Variants in PHACTR2 observed in about 807,000 individuals in gnomAD.
The protein encoded by PHACTR2 is chromosome 6 open reading frame 56.
In PHACTR2, 30 loss-of-function variants were observed where a neutral mutation model predicts 76.0. The observed-to-expected ratio is 0.39, with a 90% confidence interval of 0.30 to 0.54. The LOEUF is 0.54. PHACTR2 is among the 20% of genes least tolerant of loss of function. The probability of loss-of-function intolerance (pLI) is 0.61; values close to 1 mark genes in which losing one functional copy is unlikely to be tolerated. For missense variants in PHACTR2, 696 were observed against 781.1 expected (o/e 0.89, Z 1.30); for synonymous variants, 292 against 292.5 (o/e 1.00, Z 0.02).
At chr6:143,720,353 C>A (rs546409005) in intron 2 of PHACTR2, among the ~76,000 whole-genome samples, 1 of 151,930 alleles carries the variant, frequency 6.6e-6, no homozygotes, top group African/African-American at 2.4e-5. Flanking sequence ...AAAATTAAAG[C>A]AAGGAATTGG....
In PHACTR2 at chr6:143,784,308, A is replaced by G. The variant is rs1775501618; in HGVS notation, c.1707+1028A>G. 6.6e-6 allele frequency among the ~76,000 whole-genome samples: 1 copy of G among 152,238 alleles called. No individual in the cohort carries two copies. Among genetic ancestry groups the G allele is most frequent in the Admixed American group, 6.5e-5 (1 of 15,282 alleles). ...ATTGTTGCCACTTATTTATGAATAT[A>G]TAAATCTGATGTTAGGGCCATCACT... On this transcript the variant is annotated intron_variant, in intron 10 of 12. Transcript: ENST00000440869. The surrounding 1 kb of genome is among the most constrained non-coding windows in gnomAD (Gnocchi z 4.5).
At chr6:143,590,508 T>C (rs1263979110) in intron 1 of PHACTR2, among the ~76,000 whole-genome samples, 1 of 151,750 alleles carries the variant, frequency 6.6e-6, no homozygotes, top group African/African-American at 2.4e-5. Context: ...CATGACTTAA[T>C]GTAAGATCAG....
chr6:143,746,965 G>A (rs1779081425), intron 2 of PHACTR2, among the ~76,000 whole-genome samples: 1 of 152,192 alleles, frequency 6.6e-6, no homozygotes, highest in South Asian at 2.1e-4. Context: ...TAAAGGAAGG[G>A]AGGGAAGCCT....
chr6:143,572,586 C>G (rs1287117118), intron 1 of PHACTR2, among the ~76,000 whole-genome samples: 1 of 152,106 alleles, frequency 6.6e-6, no homozygotes, highest in African/African-American at 2.4e-5. Context: ...GAGAATCTCT[C>G]CATTGCCCCA....
At chr6:143,729,199 C>G (rs1778646186) in intron 2 of PHACTR2, among the ~76,000 whole-genome samples, 1 of 151,966 alleles carries the variant, frequency 6.6e-6, no homozygotes, top group African/African-American at 2.4e-5. Context: ...TATTTGTTTT[C>G]TTACTATTGA....
chr6:143,668,001 C>A lies in PHACTR2; in HGVS notation c.14-44015C>A, dbSNP rs143983856. ...CTTCCAGCTTTTTCTATTCAGTATG[C>A]TATTGGCTGTGGGTTTATCATAAAT... On this transcript the variant is annotated intron_variant, in intron 1 of 11. Coordinates refer to the PHACTR2 transcript ENST00000305766. Among the ~76,000 whole-genome samples, 235 of 152,256 alleles carry A rather than the reference C, an allele frequency of 1.5e-3. 3 individuals carry two copies. The East Asian group carries it at 0.024, about 15-fold the overall frequency.
Position 143,827,286 on chromosome 6 carries a change from T to A in PHACTR2, c.*3597T>A, listed in dbSNP as rs997703381. ...TTCTGATATGTACCATATTAACACATAACAGGCATTTTATTTATGCTTCAT... is the reference window on the plus strand; with the variant it reads ...TTCTGATATGTACCATATTAACACAAAACAGGCATTTTATTTATGCTTCAT... On this transcript the variant is annotated 3_prime_UTR_variant, in exon 13 of 13. Coordinates refer to ENST00000440869, the MANE Select transcript of PHACTR2 (RefSeq NM_001100164.2). 1.3e-5 allele frequency: 2 copies of A among 149,156 alleles called. No individual in the cohort carries two copies. The highest frequency in any genetic ancestry group is 4.9e-5 in the African/African-American group (2 of 40,572). 9.2% of individuals were successfully genotyped at this position (149,156 alleles called of 1,614,324 possible).
chr6:143,714,195 A>C (rs1778249031), intron 2 of PHACTR2, among the ~76,000 whole-genome samples: 1 of 152,234 alleles, frequency 6.6e-6, no homozygotes, highest in South Asian at 2.1e-4. Context: ...TAATCAATGA[A>C]GTACACCTTA....
chr6:143,549,292 C>T lies in PHACTR2; in HGVS notation c.217+12085C>T, dbSNP rs558379468. Among the ~76,000 whole-genome samples, 10 of 151,996 alleles carry T rather than the reference C, an allele frequency of 6.6e-5. No individual in the cohort carries two copies. Among genetic ancestry groups the T allele is most frequent in the Non-Finnish European group, 1.2e-4 (8 of 67,982 alleles). On this transcript the variant is annotated intron_variant, in intron 1 of 11. Coordinates refer to the PHACTR2 transcript ENST00000367584. This position sits in a 1 kb window ranked among gnomAD's most constrained non-coding sequence, Gnocchi z 4.2. ...ATATGGTAGTGAGGCCAGTTCAAAC[C>T]CTTGCTTTCTGGGGATTACGTCCCC...
intron 1 of PHACTR2, among the ~76,000 whole-genome samples, chr6:143,573,092 C>G (rs1411012869): frequency 1.3e-5 from 2 of 152,178 alleles, no homozygotes; most frequent in Non-Finnish European, 2.9e-5. Context: ...GTATAATTTT[C>G]TTATATATTG....
In PHACTR2 at chr6:143,800,324, C is replaced by T. The variant is rs901315700; in HGVS notation, c.1846-6733C>T. The stretch of plus-strand genomic sequence containing the variant: ...TTGCCCAGGCTGGAGTGCAGTGGTG[C>T]AATCTCCGCTCACAGCAAGCTCCGC... On this transcript the variant is annotated intron_variant, in intron 11 of 12. Transcript: ENST00000440869. The surrounding 1 kb of genome is among the most constrained non-coding windows in gnomAD (Gnocchi z 4.8). 3.9e-5 allele frequency among the ~76,000 whole-genome samples: 6 copies of T among 152,006 alleles called. No individual in the cohort carries two copies. Among genetic ancestry groups the T allele is most frequent in the African/African-American group, 1.4e-4 (6 of 41,380 alleles).
rs2128449153 is a variant in PHACTR2 at position 143,664,695 on chromosome 6, A to T, written c.14-47321A>T. Among the ~76,000 whole-genome samples, 1 of 152,334 alleles carries T rather than the reference A, an allele frequency of 6.6e-6. No individual in the cohort carries two copies. The highest frequency in any genetic ancestry group is 1.9e-4 in the East Asian group (1 of 5,192). On this transcript the variant is annotated intron_variant, in intron 1 of 11. Transcript: ENST00000305766. This position sits in a 1 kb window ranked among gnomAD's most constrained non-coding sequence, Gnocchi z 5.1. ...CTACTTCCTCATTTGCAGAGCCGATAGTTTATTAAATTCACCATCATGTCC... is the reference window on the plus strand; with the variant it reads ...CTACTTCCTCATTTGCAGAGCCGATTGTTTATTAAATTCACCATCATGTCC...
At chr6:143,735,235 A>T (rs971943074) in intron 2 of PHACTR2, among the ~76,000 whole-genome samples, 3 of 152,170 alleles carry the variant, frequency 2.0e-5, no homozygotes, top group Non-Finnish European at 4.4e-5. Context: ...ATAAGTGTTT[A>T]CTTAGTACCC....
intron 2 of PHACTR2, among the ~76,000 whole-genome samples, chr6:143,727,839 C>T (rs948028785): frequency 6.6e-6 from 1 of 152,148 alleles, no homozygotes; most frequent in African/African-American, 2.4e-5. Context: ...CCTGTACATA[C>T]CTCAACATAT....
rs556495712 is a variant in PHACTR2, at chr6:143,654,607, C to G, written c.13+46285C>G. ...ATCACTCGAGGCCTGGAGTTCAAGA[C>G]CAGCCTGAGCAACATAGCAAGACTC... On this transcript the variant is annotated intron_variant, in intron 1 of 11. Coordinates refer to the PHACTR2 transcript ENST00000305766. This position sits in a 1 kb window ranked among gnomAD's most constrained non-coding sequence, Gnocchi z 4.6. 6.6e-6 allele frequency among the ~76,000 whole-genome samples: 1 copy of G among 152,052 alleles called. No homozygotes were observed. Among genetic ancestry groups the G allele is most frequent in the South Asian group, 2.1e-4 (1 of 4,812 alleles).
At chr6:143,762,491 A>C (rs750981722) in intron 5 of PHACTR2, among the ~76,000 whole-genome samples, 3 of 152,248 alleles carry the variant, frequency 2.0e-5, no homozygotes, top group Non-Finnish European at 4.4e-5. Flanking sequence ...CAGGGGTTGC[A>C]CTTAAGTACA....
Position 143,728,216 on chromosome 6 carries a change from CTTTTTTTT to C in PHACTR2, c.214+16045_214+16052del, listed in dbSNP as rs548709835. ...CTTTCTTTCCTTTTTTTTTTTCTTTCTTTTTTTTTTTTTTTTTTTGAGACAGGGTCTTA... is the reference window on the plus strand; with the variant it reads ...CTTTCTTTCCTTTTTTTTTTTCTTTCTTTTTTTTTTTGAGACAGGGTCTTA... On this transcript the variant is annotated intron_variant, in intron 2 of 12. Transcript: ENST00000440869. Among the ~76,000 whole-genome samples the C allele has an allele frequency of 1.6e-4, 13 of 83,744 alleles. 1 individual carries two copies. In the South Asian group the frequency reaches 5.8e-3, roughly 37 times the overall value. The allele number at this position is 83,744 out of a possible 152,430, so 54.9% of individuals were successfully genotyped here.
chr6:143,678,012 G>A lies in PHACTR2; in HGVS notation c.-152G>A. On this transcript the variant is annotated 5_prime_UTR_variant, in exon 1 of 13. Coordinates refer to ENST00000440869, the MANE Select transcript of PHACTR2 (RefSeq NM_001100164.2). This position sits in a 1 kb window ranked among gnomAD's most constrained non-coding sequence, Gnocchi z 6.2. ...CGCCGGCTGCGGCCGGCCGGGCTGG[G>A]AGACCCGCGCGGGGTAGAAGGTGAG... 1 of 1,475,282 alleles carries A rather than the reference G, an allele frequency of 6.8e-7. No individual in the cohort carries two copies. The highest frequency in any genetic ancestry group is 9.0e-7 in the Non-Finnish European group (1 of 1,109,688). The allele number at this position is 1,475,282 out of a possible 1,614,324, so 91.4% of individuals were successfully genotyped here. A position where few individuals can be genotyped will look rare whatever the true frequency, so the allele number is the denominator to read the frequency against.
At position 143,662,143 on chromosome 6, in the gene PHACTR2, T is replaced by G. The variant is rs1184073819; in HGVS notation, c.14-49873T>G. Among the ~76,000 whole-genome samples the G allele has an allele frequency of 6.6e-6, 1 of 152,202 alleles. No individual in the cohort carries two copies. The highest frequency in any genetic ancestry group is 1.9e-4 in the East Asian group (1 of 5,198). ...ATCTTTATCACCTGTTTGGAGAATG[T>G]GTCAACATTCCCTAATTGAGAAGTA... On this transcript the variant is annotated intron_variant, in intron 1 of 11. Transcript: ENST00000305766. The surrounding 1 kb of genome is among the most constrained non-coding windows in gnomAD (Gnocchi z 4.7).
Sources: allele counts gnomAD v4.1 joint callset (sites outside exome capture counted in the v4.1 genomes callset), GRCh38; gene constraint gnomAD v4.1.1; non-coding constraint Gnocchi (gnomAD v3.1); transcripts MANE v1.5; gene names NCBI Gene and HGNC (gene_info 2026-07-23, HGNC 2026-07-21).